CHD2: variants seen among roughly 807,000 people sequenced by gnomAD.
CHD2 encodes the protein chromodomain helicase DNA binding protein 2.
In CHD2, 28 loss-of-function variants were observed where a neutral mutation model predicts 243.9. That is an observed-to-expected ratio of 0.11 (90% CI 0.09 to 0.16). CHD2 has a LOEUF of 0.16. Ranked by LOEUF, CHD2 falls within the 10% of genes least tolerant of loss-of-function variation. CHD2 has a pLI of 1.00. For synonymous variants in CHD2, 775 were observed against 779.0 expected, an observed-to-expected ratio of 0.99 and a Z score of 0.09; for missense variants, 1,386 against 2,209.8, an observed-to-expected ratio of 0.63 and a Z score of 7.47.
chr15:92,985,991 A>G (rs752027996), intron 26 of CHD2, among the ~76,000 whole-genome samples: 2 of 152,210 alleles, frequency 1.3e-5, no homozygotes, highest in African/African-American at 4.8e-5. Flanking sequence ...GTATCTGTAT[A>G]TAAAAGAAAT....
chr15:92,951,681 A>G (rs1346519618), intron 13 of CHD2, among the ~76,000 whole-genome samples: 2 of 152,190 alleles, frequency 1.3e-5, no homozygotes, highest in African/African-American at 4.8e-5. Context: ...GAGAAACTTA[A>G]CTGTGCTTCC....
chr15:92,980,950 T>G (rs1444892591), intron 23 of CHD2, 39 bp downstream of exon 23: 1 of 1,408,814 alleles, frequency 7.1e-7, no homozygotes, highest in Non-Finnish European at 1.0e-6. Context: ...TTTTGAGAAG[T>G]ATGATCTGTG....
At chr15:92,983,128 ACCT>A (rs1223248423) in intron 24 of CHD2, among the ~76,000 whole-genome samples, 6 of 152,074 alleles carry the variant, frequency 3.9e-5, no homozygotes, top group African/African-American at 1.4e-4. Context: ...TACCCTCATG[ACCT>A]CCTAACACCT....
chr15:92,962,979 A>G (rs1256192841), intron 16 of CHD2, among the ~76,000 whole-genome samples: 2 of 152,090 alleles, frequency 1.3e-5, no homozygotes. Context: ...TCCTGTTTGC[A>G]TGATATATTG....
At chr15:92,903,242 C>T (rs4146836) in intron 2 of CHD2, among the ~76,000 whole-genome samples, 1 of 151,974 alleles carries the variant, frequency 6.6e-6, no homozygotes, top group Non-Finnish European at 1.5e-5. Flanking sequence ...ATTACTTCTA[C>T]TGAGCTGAAC....
chr15:92,904,306 G>A, intron 2 of CHD2: 1 of 289,264 alleles, frequency 3.5e-6, no homozygotes, highest in Non-Finnish European at 5.2e-6. Context: ...CGGCGCCGGC[G>A]CGGGGTGCTG....
At position 92,957,778 on chromosome 15, in the gene CHD2, T is replaced by C. The variant is rs146749899; in HGVS notation, c.2000+1129T>C. On this transcript the variant is annotated intron_variant, in intron 16 of 38. Transcript: ENST00000394196. The stretch of plus-strand genomic sequence containing the variant: ...TCATCATTGTCCAGTTTTGGAACAT[T>C]TTCCTCATCCCAAAAAGTTCCCCCT... 7.9e-3 allele frequency among the ~76,000 whole-genome samples: 1,205 copies of C among 152,274 alleles called. 10 individuals carry two copies. Among genetic ancestry groups the C allele is most frequent in the Non-Finnish European group, 0.014 (959 of 68,014 alleles).
intron 28 of CHD2, among the ~76,000 whole-genome samples, chr15:92,996,461 G>T (rs1427530796): frequency 2.6e-5 from 4 of 151,922 alleles, no homozygotes; most frequent in Non-Finnish European, 4.4e-5. Flanking sequence ...CGCCCGCCTG[G>T]GTTAGTGTAA....
At chr15:93,008,286 C>T (rs1229462180) in intron 34 of CHD2, among the ~76,000 whole-genome samples, 3 of 152,246 alleles carry the variant, frequency 2.0e-5, no homozygotes, top group Non-Finnish European at 2.9e-5. Flanking sequence ...GCTCAGCCCT[C>T]ATCTGTGCCT....
At chr15:93,020,292 C>T (rs762534083) in intron 38 of CHD2, 34 bp downstream of exon 38, 7 of 1,613,502 alleles carry the variant, frequency 4.3e-6, no homozygotes, top group South Asian at 1.1e-5. Flanking sequence ...CAGGTGCCAA[C>T]CTTTGCCAGG....
At position 92,997,233 on chromosome 15, in the gene CHD2, T is replaced by C; in HGVS notation, c.3735-20T>C. Reference sequence around the variant, plus strand: ...AAAGGCCCCTCTTCTAATGTCTTCCTGTTTTTAAACTTTCTTTAGATACTG... The same window carrying C: ...AAAGGCCCCTCTTCTAATGTCTTCCCGTTTTTAAACTTTCTTTAGATACTG... On this transcript the variant is annotated intron_variant, in intron 29 of 38. Coordinates refer to ENST00000394196, the MANE Select transcript of CHD2 (RefSeq NM_001271.4). The surrounding 1 kb of genome is among the most constrained non-coding windows in gnomAD (Gnocchi z 4.1). 6.2e-7 allele frequency: 1 copy of C among 1,613,992 alleles called. No individual in the cohort carries two copies. Among genetic ancestry groups the C allele is most frequent in the Non-Finnish European group, 8.5e-7 (1 of 1,179,970 alleles).
At chr15:93,002,363 T>A (rs979594231) in intron 33 of CHD2, 46 bp downstream of exon 33, 2 of 1,565,470 alleles carry the variant, frequency 1.3e-6, no homozygotes, top group Non-Finnish European at 1.7e-6. Context: ...GCCTTTGCAA[T>A]TCGCCATTTG....
At chr15:92,961,849 T>C (rs1596411046) in intron 16 of CHD2, among the ~76,000 whole-genome samples, 1 of 151,620 alleles carries the variant, frequency 6.6e-6, no homozygotes, top group East Asian at 1.9e-4. Context: ...TTTGACATCA[T>C]TGGTTTCTTC....
intron 5 of CHD2, among the ~76,000 whole-genome samples, chr15:92,929,471 A>G (rs1305263279): frequency 1.3e-5 from 2 of 152,210 alleles, no homozygotes; most frequent in Admixed American, 1.3e-4. Context: ...TTTTATGGCA[A>G]AATTATATTG....
chr15:93,024,929 C>G lies in CHD2; in HGVS notation c.*224C>G. On this transcript the variant is annotated 3_prime_UTR_variant, in exon 39 of 39. Coordinates refer to ENST00000394196, the MANE Select transcript of CHD2 (RefSeq NM_001271.4). ...ACTTTGGCACCCCATCCCATTCCAG[C>G]CTAGTTCTGGCCTCCCACTTTGACG... 1 of 500,982 alleles carries G rather than the reference C, an allele frequency of 2.0e-6. No homozygotes were observed. The highest frequency in any genetic ancestry group is 3.5e-6 in the Non-Finnish European group (1 of 285,616). The allele number at this position is 500,982 out of a possible 1,614,324, so 31.0% of individuals were successfully genotyped here.
intron 14 of CHD2, 66 bp downstream of exon 14, chr15:92,953,639 G>A: frequency 1.4e-6 from 2 of 1,441,028 alleles, no homozygotes; most frequent in South Asian, 1.2e-5. Flanking sequence ...TTCACTTAAA[G>A]CCTTCAGTAG....
In CHD2 at chr15:92,980,822, C is replaced by G; in HGVS notation, c.2884C>G (p.Pro962Ala). Reference protein sequence around the residue: ...ENNSGRSNSNPFNKEELTAIL... With the variant: ...ENNSGRSNSNAFNKEELTAIL... The stretch of plus-strand genomic sequence containing the variant: ...TACATTTTACTTCCACAGCTCAAAT[C>G]CTTTTAATAAAGAAGAGCTGACAGC... The change falls in exon 23 of 39, where the codon CCT becomes GCT. Residue 962 changes from proline to alanine, a missense_variant. Physicochemically the swap from Pro to Ala is conservative, Grantham distance 27 (BLOSUM62 -1). Coordinates refer to ENST00000394196, the MANE Select transcript of CHD2 (RefSeq NM_001271.4). 1.9e-6 allele frequency: 3 copies of G among 1,612,110 alleles called. No homozygotes were observed. The highest frequency in any genetic ancestry group is 2.5e-6 in the Non-Finnish European group (3 of 1,178,544).
At chr15:92,949,165 A>G in intron 13 of CHD2, 89 bp downstream of exon 13, 2 of 1,564,486 alleles carry the variant, frequency 1.3e-6, no homozygotes, top group Non-Finnish European at 8.6e-7. Context: ...CTTTTTTCAC[A>G]CCCTTATTGT....
At chr15:92,920,675 G>A (rs1190066420) in intron 2 of CHD2, among the ~76,000 whole-genome samples, 1 of 152,110 alleles carries the variant, frequency 6.6e-6, no homozygotes, top group South Asian at 2.1e-4. Context: ...GTGTAGACCT[G>A]TTGTCTGTGA....
Sources: allele counts gnomAD v4.1 joint callset (sites outside exome capture counted in the v4.1 genomes callset), GRCh38; gene constraint gnomAD v4.1.1; non-coding constraint Gnocchi (gnomAD v3.1); transcripts MANE v1.5; gene names NCBI Gene and HGNC (gene_info 2026-07-23, HGNC 2026-07-21).